Variants in PIK3R5 observed in about 807,000 individuals in gnomAD.
PIK3R5 encodes phosphoinositide-3-kinase regulatory subunit 5.
A neutral mutation model predicts 94.9 loss-of-function variants in PIK3R5; 32 were observed. That is an observed-to-expected ratio of 0.34 (90% CI 0.25 to 0.45). PIK3R5 has a LOEUF of 0.45. Ranked by LOEUF, PIK3R5 falls within the 20% of genes least tolerant of loss-of-function variation. PIK3R5 has a pLI of 1.00. For missense variants in PIK3R5, 853 were observed against 1,144.6 expected (o/e 0.75, Z 3.68); for synonymous variants, 443 against 479.4 (o/e 0.92, Z 0.99).
chr17:8,926,147 T>C (rs955976307), intron 1 of PIK3R5, among the ~76,000 whole-genome samples: 4 of 152,106 alleles, frequency 2.6e-5, no homozygotes, highest in African/African-American at 9.7e-5. Flanking sequence ...GAGTGAGGAA[T>C]GCCACTGCAA....
intron 1 of PIK3R5, among the ~76,000 whole-genome samples, chr17:8,921,288 C>T (rs1245627576): frequency 6.6e-6 from 1 of 152,174 alleles, no homozygotes; most frequent in Non-Finnish European, 1.5e-5. Context: ...TTGTACCCTA[C>T]CATTCCTACT....
chr17:8,885,299 G>A (rs2089793725), intron 14 of PIK3R5, among the ~76,000 whole-genome samples: 3 of 149,872 alleles, frequency 2.0e-5, no homozygotes. Context: ...GCCTCCCCAT[G>A]GCCTTGCCTC....
chr17:8,943,709 G>A (rs2091226243), intron 1 of PIK3R5, among the ~76,000 whole-genome samples: 1 of 152,078 alleles, frequency 6.6e-6, no homozygotes, highest in Non-Finnish European at 1.5e-5. Flanking sequence ...GGAGGCAGAG[G>A]TTGCAGTGAG....
At position 8,888,210 on chromosome 17, in the gene PIK3R5, C is replaced by T. The variant is rs2089925486; in HGVS notation, c.1577G>A (p.Arg526Gln). Reference sequence around the variant, plus strand: ...CGCCCGAGCCACCTTCCCTGAAATCCGATCGGAGCCAAAGACCACAACACG... The same window carrying T: ...CGCCCGAGCCACCTTCCCTGAAATCTGATCGGAGCCAAAGACCACAACACG... ...TLRVVVFGSD[R>Q]ISGKVARAYS... is the part of the protein sequence containing the mutation. Residue 526 changes from arginine (R) to glutamine (Q), a missense_variant, in exon 10 of 19, where the codon CGG (arginine) becomes CAG (glutamine). Physicochemically the swap from Arg to Gln is conservative, Grantham distance 43 (BLOSUM62 1). Transcript: ENST00000447110. The surrounding 1 kb of genome is among the most constrained non-coding windows in gnomAD (Gnocchi z 7.8). 8.1e-6 allele frequency: 13 copies of T among 1,613,406 alleles called. No individual in the cohort carries two copies. The highest frequency in any genetic ancestry group is 4.5e-5 in the East Asian group (2 of 44,844).
intron 1 of PIK3R5, among the ~76,000 whole-genome samples, chr17:8,959,321 T>C (rs1367368093): frequency 6.6e-6 from 1 of 152,218 alleles, no homozygotes; most frequent in Non-Finnish European, 1.5e-5. Context: ...CAGAAAGTCA[T>C]GTTTTCTAGA....
At chr17:8,898,647 A>G (rs1458017236) in intron 5 of PIK3R5, among the ~76,000 whole-genome samples, 1 of 152,204 alleles carries the variant, frequency 6.6e-6, no homozygotes, top group African/African-American at 2.4e-5. Flanking sequence ...AGATGGGACC[A>G]ACCTATGACG....
intron 1 of PIK3R5, among the ~76,000 whole-genome samples, chr17:8,960,325 G>C (rs2091540394): frequency 6.6e-6 from 1 of 152,222 alleles, no homozygotes; most frequent in East Asian, 1.9e-4. Flanking sequence ...CTTCTTCAGA[G>C]AAACCTTTCC....
Position 8,884,795 on chromosome 17 carries a change from A to C in PIK3R5, c.2129-12T>G. On this transcript the variant is annotated splice_polypyrimidine_tract_variant and intron_variant, in intron 14 of 18. Transcript: ENST00000447110. This position sits in a 1 kb window ranked among gnomAD's most constrained non-coding sequence, Gnocchi z 5.8. ...CTTGCTGCCAGGACCTGTGCCACACACAGACAGACCCTTCACTACCCCTGG... is the reference window on the plus strand; with the variant it reads ...CTTGCTGCCAGGACCTGTGCCACACCCAGACAGACCCTTCACTACCCCTGG... The C allele has an allele frequency of 1.9e-6, 3 of 1,612,022 alleles. No homozygotes were observed. Among genetic ancestry groups the C allele is most frequent in the Non-Finnish European group, 2.5e-6 (3 of 1,179,198 alleles).
Position 8,904,699 on chromosome 17 carries a change from A to T in PIK3R5, c.412+78T>A. ...AAGGATGCAAGGTAAGGAGGGTCAC[A>T]AAAAACAGTTTCAGAGGAGTTGGAA... On this transcript the variant is annotated intron_variant, in intron 5 of 18. Transcript: ENST00000447110. The surrounding 1 kb of genome is among the most constrained non-coding windows in gnomAD (Gnocchi z 5.1). 6.7e-7 allele frequency: 1 copy of T among 1,489,888 alleles called. No homozygotes were observed. The highest frequency in any genetic ancestry group is 1.2e-5 in the South Asian group (1 of 84,114). 92.3% of individuals were successfully genotyped at this position (1,489,888 alleles called of 1,614,324 possible). A position where few individuals can be genotyped will look rare whatever the true frequency, so the allele number is the denominator to read the frequency against.
chr17:8,893,844 CA>C lies in PIK3R5; in HGVS notation c.413-190del. 1 of 544,076 alleles carries C rather than the reference CA, an allele frequency of 1.8e-6. No individual in the cohort carries two copies. Among genetic ancestry groups the C allele is most frequent in the South Asian group, 2.1e-5 (1 of 46,598 alleles). 33.7% of individuals were successfully genotyped at this position (544,076 alleles called of 1,614,324 possible). ...CAGTTTGCTTCTATGCGTCCTTTTA[CA>C]CCTCACGAGTCATATCCCCACCTCC... On this transcript the variant is annotated intron_variant, in intron 5 of 18. Coordinates refer to ENST00000447110, the MANE Select transcript of PIK3R5 (RefSeq NM_001142633.3). This position sits in a 1 kb window ranked among gnomAD's most constrained non-coding sequence, Gnocchi z 5.1.
chr17:8,953,312 C>A (rs993923104), intron 1 of PIK3R5, among the ~76,000 whole-genome samples: 2 of 152,178 alleles, frequency 1.3e-5, no homozygotes, highest in African/African-American at 4.8e-5. Flanking sequence ...TTTCTTGATG[C>A]TTACATAAGG....
intron 1 of PIK3R5, among the ~76,000 whole-genome samples, chr17:8,915,535 C>T (rs979064145): frequency 1.3e-5 from 2 of 152,186 alleles, no homozygotes; most frequent in African/African-American, 2.4e-5. Context: ...CCAAGGCTCA[C>T]AGGAGTGTGT....
intron 1 of PIK3R5, among the ~76,000 whole-genome samples, chr17:8,929,411 T>A (rs2090948806): frequency 6.6e-6 from 1 of 152,136 alleles, no homozygotes; most frequent in Admixed American, 6.6e-5. Flanking sequence ...ATGGCTATAT[T>A]AATATCAGAT....
At chr17:8,962,023 G>T (rs1277424252) in intron 1 of PIK3R5, among the ~76,000 whole-genome samples, 3 of 152,210 alleles carry the variant, frequency 2.0e-5, no homozygotes, top group African/African-American at 7.2e-5. Context: ...CCCAAATTGT[G>T]TTGTATGGGG....
Position 8,881,450 on chromosome 17 carries a change from AC to A in PIK3R5, c.2382+179del, listed in dbSNP as rs1724160448. 6.7e-6 allele frequency among the ~76,000 whole-genome samples: 1 copy of A among 148,750 alleles called. No homozygotes were observed. Among genetic ancestry groups the A allele is most frequent in the Non-Finnish European group, 1.5e-5 (1 of 67,200 alleles). The stretch of plus-strand genomic sequence containing the variant: ...TGTGCATCCCCAAATCATACCCCTC[AC>A]CCTGCCTCTCCTCCCCCACCTCTCC... On this transcript the variant is annotated intron_variant, in intron 17 of 18. Transcript: ENST00000447110. The surrounding 1 kb of genome is among the most constrained non-coding windows in gnomAD (Gnocchi z 4.8).
In PIK3R5 at chr17:8,934,500, A is replaced by G. The variant is rs113411391; in HGVS notation, c.-13-22993T>C. ...TGTCAGTTTTCCTCCAAGTTCATCT[A>G]TGGATTCAATGCAATCCCAGTCAAT... On this transcript the variant is annotated intron_variant, in intron 1 of 18. Transcript: ENST00000447110. 4.7e-3 allele frequency among the ~76,000 whole-genome samples: 723 copies of G among 152,358 alleles called. 9 individuals carry two copies. The highest frequency in any genetic ancestry group is 0.016 in the African/African-American group (684 of 41,582).
intron 5 of PIK3R5, among the ~76,000 whole-genome samples, chr17:8,902,967 T>C (rs554015565): frequency 6.6e-6 from 1 of 152,090 alleles, no homozygotes; most frequent in East Asian, 1.9e-4. Context: ...TGCCTCAGCC[T>C]CCTGAGTAGC....
At chr17:8,961,494 G>T (rs9901884) in intron 1 of PIK3R5, among the ~76,000 whole-genome samples, 2,654 of 152,242 alleles carry the variant, frequency 0.017, 78 homozygotes, top group African/African-American at 0.06. Flanking sequence ...AATTAGCCAG[G>T]CGTGGAAGCG....
At chr17:8,934,275 A>G (rs75703489) in intron 1 of PIK3R5, among the ~76,000 whole-genome samples, 1,823 of 152,368 alleles carry the variant, frequency 0.012, 42 homozygotes, top group African/African-American at 0.042. Flanking sequence ...ACTTCTACAT[A>G]TTAATAACTA....
Sources: allele counts gnomAD v4.1 joint callset (sites outside exome capture counted in the v4.1 genomes callset), GRCh38; gene constraint gnomAD v4.1.1; non-coding constraint Gnocchi (gnomAD v3.1); transcripts MANE v1.5; gene names NCBI Gene and HGNC (gene_info 2026-07-23, HGNC 2026-07-21).